The following XIRP2 variants were observed in gnomAD, a reference collection of about 807,000 sequenced individuals.
XIRP2 encodes the protein xin actin binding repeat containing 2.
A neutral mutation model predicts 277.0 loss-of-function variants in XIRP2; 236 were observed. That is an observed-to-expected ratio of 0.85 (90% CI 0.77 to 0.95). XIRP2 has a LOEUF of 0.95. XIRP2 is among the 40% of genes least tolerant of loss of function. The probability of loss-of-function intolerance (pLI) is 0.00; values close to 1 mark genes in which losing one functional copy is unlikely to be tolerated. For synonymous variants in XIRP2, 1,490 were observed against 1,416.5 expected (o/e 1.05, Z -1.17); for missense variants, 4,640 against 4,157.5 (o/e 1.12, Z -3.19).
chr2:167,203,207 G>T (rs915970568), intron 3 of XIRP2, among the ~76,000 whole-genome samples: 4 of 152,146 alleles, frequency 2.6e-5, no homozygotes, highest in Admixed American at 2.6e-4. Flanking sequence ...ATCTTTGGGG[G>T]ACCGATGTTC....
At chr2:167,037,557 G>T (rs1688545159) in intron 2 of XIRP2, among the ~76,000 whole-genome samples, 1 of 147,490 alleles carries the variant, frequency 6.8e-6, no homozygotes, top group Non-Finnish European at 1.5e-5. Context: ...GTGTGTGTGT[G>T]TTTTAAGATA....
chr2:166,953,873 CCTTA>C (rs1686097881), intron 2 of XIRP2, among the ~76,000 whole-genome samples: 1 of 151,836 alleles, frequency 6.6e-6, no homozygotes, highest in South Asian at 2.1e-4. Context: ...TCATTGCCTC[CCTTA>C]TACAGTCTTC....
At chr2:167,000,015 T>C (rs1687323205) in intron 2 of XIRP2, among the ~76,000 whole-genome samples, 1 of 152,220 alleles carries the variant, frequency 6.6e-6, no homozygotes, top group South Asian at 2.1e-4. Context: ...GGCAACTATG[T>C]TGCAAAATAA....
intron 2 of XIRP2, among the ~76,000 whole-genome samples, chr2:167,121,511 G>C (rs577452326): frequency 6.6e-6 from 1 of 152,228 alleles, no homozygotes; most frequent in East Asian, 1.9e-4. Context: ...AGATTTAAAA[G>C]GTTTAGCCAT....
intron 3 of XIRP2, among the ~76,000 whole-genome samples, chr2:167,203,314 T>G (rs1693772889): frequency 6.6e-6 from 1 of 152,210 alleles, no homozygotes; most frequent in African/African-American, 2.4e-5. Flanking sequence ...GAATACTAGC[T>G]AGGACAGACT....
At chr2:167,252,963 G>A (rs997377057) in intron 9 of XIRP2, among the ~76,000 whole-genome samples, 2 of 151,830 alleles carry the variant, frequency 1.3e-5, no homozygotes, top group Admixed American at 1.3e-4. Context: ...CTTCTGTTAA[G>A]ATAGCTCAAA....
At position 167,248,760 on chromosome 2, in the gene XIRP2, A is replaced by G. The variant is rs746075521; in HGVS notation, c.7368A>G (p.Lys2456=). 3.1e-6 allele frequency: 5 copies of G among 1,613,724 alleles called. No individual in the cohort carries two copies. The South Asian group carries it at 5.5e-5, about 18-fold the overall frequency. The change falls in exon 9 of 11, where the codon AAA becomes AAG. Residue 2456 remains lysine (K), a synonymous_variant. Transcript: ENST00000409195. The part of the protein sequence containing the change: ...LATSLSDMEC[K]ITTSKDQKKV... ...CCTCCCTGTCAGATATGGAATGTAA[A>G]ATTACTACCTCAAAGGATCAGAAAA...
At chr2:167,060,232 A>G (rs1017435612) in intron 2 of XIRP2, among the ~76,000 whole-genome samples, 35 of 152,316 alleles carry the variant, frequency 2.3e-4, no homozygotes, top group African/African-American at 7.5e-4. Context: ...GTAACCCTTT[A>G]TGTATGAAAT....
At chr2:167,042,271 C>G (rs1688676803) in intron 2 of XIRP2, among the ~76,000 whole-genome samples, 1 of 152,096 alleles carries the variant, frequency 6.6e-6, no homozygotes, top group South Asian at 2.1e-4. Flanking sequence ...TATTAAGCAA[C>G]TTTATAATCA....
Position 167,227,053 on chromosome 2 carries a change from C to T in XIRP2, c.858+8753C>T, listed in dbSNP as rs535091080. ...CTCTCTAGGTGATTCTAATGTACAG[C>T]AATGACTATGACAGTACAAACATAA... is the stretch of plus-strand genomic sequence containing the variant. On this transcript the variant is annotated intron_variant, in intron 5 of 10. Coordinates refer to ENST00000409195, the MANE Select transcript of XIRP2 (RefSeq NM_152381.6). Among the ~76,000 whole-genome samples, 3 of 152,226 alleles carry T rather than the reference C, an allele frequency of 2.0e-5. 1 individual carries two copies. Among genetic ancestry groups the T allele is most frequent in the African/African-American group, 7.2e-5 (3 of 41,554 alleles).
intron 2 of XIRP2, among the ~76,000 whole-genome samples, chr2:166,918,977 A>C (rs778833663): frequency 6.6e-6 from 1 of 152,050 alleles, no homozygotes; most frequent in Non-Finnish European, 1.5e-5. Flanking sequence ...ATCTTTTGTC[A>C]ACTCTGAAAT....
At chr2:166,931,449 A>G (rs532399423) in intron 2 of XIRP2, among the ~76,000 whole-genome samples, 1 of 152,300 alleles carries the variant, frequency 6.6e-6, no homozygotes, top group East Asian at 1.9e-4. Flanking sequence ...ATAGGTAACA[A>G]CTACTCTTCT....
rs2105460773 is a variant in XIRP2 at position 167,259,540 on chromosome 2, A to T, written c.*1723A>T. On this transcript the variant is annotated 3_prime_UTR_variant, in exon 11 of 11. Transcript: ENST00000409195. ...TATTACACCTTGTCATTTTTTTCAC[A>T]ATTTATTTACATCTACTTTTGTTTG... 1 of 574,074 alleles carries T rather than the reference A, an allele frequency of 1.7e-6. No individual in the cohort carries two copies. Among genetic ancestry groups the T allele is most frequent in the Non-Finnish European group, 2.9e-6 (1 of 346,098 alleles). The allele number at this position is 574,074 out of a possible 1,614,324, so 35.6% of individuals were successfully genotyped here.
chr2:167,130,762 C>A (rs1691350741), intron 2 of XIRP2, among the ~76,000 whole-genome samples: 1 of 152,014 alleles, frequency 6.6e-6, no homozygotes, highest in Admixed American at 6.6e-5. Flanking sequence ...TGGTCTCTCC[C>A]TGCCCTAACC....
At chr2:167,071,049 C>A (rs1689425429) in intron 2 of XIRP2, among the ~76,000 whole-genome samples, 1 of 152,114 alleles carries the variant, frequency 6.6e-6, no homozygotes, top group African/African-American at 2.4e-5. Context: ...AAACCTCTAG[C>A]AAGTGTCAGG....
chr2:167,194,009 G>T (rs772050775), intron 3 of XIRP2, among the ~76,000 whole-genome samples: 2 of 151,946 alleles, frequency 1.3e-5, no homozygotes, highest in Non-Finnish European at 2.9e-5. Flanking sequence ...TCTTCCAGGG[G>T]TGGATATATA....
rs769064377 is a variant in XIRP2 at position 167,210,778 on chromosome 2, C to T, written c.606C>T (p.Asp202=). 6.2e-6 allele frequency: 10 copies of T among 1,614,204 alleles called. No homozygotes were observed. Among genetic ancestry groups the T allele is most frequent in the Admixed American group, 5.0e-5 (3 of 60,024 alleles). The change falls in exon 4 of 11, where the codon GAC becomes GAT. Residue 202 remains aspartate (D), a synonymous_variant. Coordinates refer to ENST00000409195, the MANE Select transcript of XIRP2 (RefSeq NM_152381.6). ...PNKPESGFAE[D]SAARGEGVSD... is the part of the protein sequence containing the mutation. ...AGCCTGAGAGTGGATTTGCAGAAGA[C>T]AGTGCTGCTCGGGGCGAGGGTGTGT... is the stretch of plus-strand genomic sequence containing the variant.
At position 166,888,571 on chromosome 2, in the gene XIRP2, A is replaced by G. The variant is rs1157553380; in HGVS notation, c.-19+14A>G. 1 of 152,156 alleles carries G rather than the reference A, an allele frequency of 6.6e-6. No individual in the cohort carries two copies. The highest frequency in any genetic ancestry group is 1.5e-5 in the Non-Finnish European group (1 of 68,030). The allele number at this position is 152,156 out of a possible 1,614,324, so 9.4% of individuals were successfully genotyped here. On this transcript the variant is annotated intron_variant, in intron 1 of 10. Transcript: ENST00000409195. Reference sequence around the variant, plus strand: ...TGTAGAAAAAAGGTAAGATTTTCCTAAGAAAAACCACTTCTTTCATAATTT... The same window carrying G: ...TGTAGAAAAAAGGTAAGATTTTCCTGAGAAAAACCACTTCTTTCATAATTT...
At chr2:166,957,057 G>T (rs1452113852) in intron 2 of XIRP2, among the ~76,000 whole-genome samples, 1 of 151,654 alleles carries the variant, frequency 6.6e-6, no homozygotes, top group African/African-American at 2.4e-5. Context: ...CATTGTCCTG[G>T]AATACTGTAT....
Sources: gnomAD v4.1 joint callset for allele counts (sites outside exome capture counted in the v4.1 genomes callset) on GRCh38, gnomAD v4.1.1 for gene constraint, MANE v1.5 for transcripts, NCBI Gene and HGNC (gene_info 2026-07-23, HGNC 2026-07-21) for gene names.